The following LILRB1 variants were observed in gnomAD, a reference collection of about 807,000 sequenced individuals.
The protein encoded by LILRB1 is leukocyte immunoglobulin like receptor B1.
In LILRB1, 59 loss-of-function variants were observed where a neutral mutation model predicts 74.6. The observed-to-expected ratio is 0.79, with a 90% CI of 0.64 to 0.98. LILRB1 has a LOEUF of 0.98. Among genes scored for constraint, LILRB1 ranks in the 50% least tolerant of loss-of-function variants. The pLI is 0.00. For synonymous variants in LILRB1, 328 were observed against 333.9 expected (o/e 0.98, Z 0.19); for missense variants, 804 against 822.6 (o/e 0.98, Z 0.28).
chr19:54,635,408 C>T lies in LILRB1; in HGVS notation c.1600+112C>T, dbSNP rs377501527. 4.6e-6 allele frequency: 7 copies of T among 1,507,064 alleles called. No individual in the cohort carries two copies. In the Admixed American group the frequency reaches 8.9e-5, roughly 19 times the overall value. The allele number at this position is 1,507,064 out of a possible 1,614,324, so 93.4% of individuals were successfully genotyped here. On this transcript the variant is annotated intron_variant, in intron 12 of 14. Coordinates refer to ENST00000324602, the MANE Select transcript of LILRB1 (RefSeq NM_001081637.3). ...AAGGGTCTGGGGCTCAGGGTGAGAT[C>T]ATCTCACCCCACACTGTGGGGCCTC...
At chr19:54,627,463 G>C (rs2063626180), upstream of LILRB1, among the ~76,000 whole-genome samples, 1 of 151,740 alleles carries the variant, frequency 6.6e-6, no homozygotes, top group African/African-American at 2.4e-5. Flanking sequence ...TCTCAGATAA[G>C]AGCTGCTTCT....
chr19:54,620,399 G>C (rs537794050), intron 1 of LILRB1, among the ~76,000 whole-genome samples: 1 of 151,996 alleles, frequency 6.6e-6, no homozygotes, highest in South Asian at 2.1e-4. Flanking sequence ...CTGTTGCCCA[G>C]GCTGGATGGA....
chr19:54,636,467 A>C, intron 13 of LILRB1, 27 bp from the exon 14 acceptor site: 4 of 1,608,136 alleles, frequency 2.5e-6, no homozygotes, highest in Non-Finnish European at 3.4e-6. Flanking sequence ...GGATTCAAGG[A>C]CACCCCCCAC....
chr19:54,627,966 C>T (rs2063642749), upstream of LILRB1, among the ~76,000 whole-genome samples: 1 of 152,222 alleles, frequency 6.6e-6, no homozygotes, highest in Non-Finnish European at 1.5e-5. Flanking sequence ...AGCAAGGGTA[C>T]ACTCACCAGC....
Position 54,631,617 on chromosome 19 carries a change from A to G in LILRB1, c.188A>G (p.Glu63Gly). 2 of 1,614,276 alleles carry G rather than the reference A, an allele frequency of 1.2e-6. No individual in the cohort carries two copies. The highest frequency in any genetic ancestry group is 1.7e-6 in the Non-Finnish European group (2 of 1,180,050). Residue 63 changes from glutamate (E) to glycine (G), a missense_variant, in exon 4 of 15, where the codon GAA becomes GGA. Coordinates refer to ENST00000324602, the MANE Select transcript of LILRB1 (RefSeq NM_001081637.3). The part of the protein sequence containing the change: ...QETQEYRLYR[E>G]KKTAPWITRI... The stretch of plus-strand genomic sequence containing the variant: ...ACCCAGGAGTACCGTCTATATAGAG[A>G]AAAGAAAACAGCACCCTGGATTACA...
At chr19:54,622,760 G>A (rs77465355) in intron 1 of LILRB1, among the ~76,000 whole-genome samples, 5,034 of 152,244 alleles carry the variant, frequency 0.033, 104 homozygotes, top group South Asian at 0.053. Flanking sequence ...ATTTCTTGGG[G>A]AAATGCTTTC....
intron 1 of LILRB1, among the ~76,000 whole-genome samples, chr19:54,624,495 A>C: frequency 6.6e-6 from 1 of 152,004 alleles, no homozygotes; most frequent in African/African-American, 2.4e-5. Flanking sequence ...CTGTTGTCTG[A>C]CGTGGTAGCT....
chr19:54,616,801 G>A (rs139572521), upstream of LILRB1, among the ~76,000 whole-genome samples: 22 of 152,192 alleles, frequency 1.4e-4, no homozygotes, highest in African/African-American at 5.1e-4. Flanking sequence ...TGTTTCCTCA[G>A]CTTAAAAAAG....
chr19:54,633,755 G>A, intron 8 of LILRB1, 67 bp downstream of exon 8: 1 of 1,543,958 alleles, frequency 6.5e-7, no homozygotes, highest in Non-Finnish European at 8.8e-7. Flanking sequence ...GGGTCTCCCA[G>A]AGAATCCCAT....
At chr19:54,620,329 T>TA (rs920806851) in intron 1 of LILRB1, among the ~76,000 whole-genome samples, 1 of 152,182 alleles carries the variant, frequency 6.6e-6, no homozygotes, top group African/African-American at 2.4e-5. Context: ...TGGTAGATTG[T>TA]AAAAAATAAC....
chr19:54,625,475 T>A (rs1474593442), upstream of LILRB1, among the ~76,000 whole-genome samples: 1 of 152,078 alleles, frequency 6.6e-6, no homozygotes, highest in Non-Finnish European at 1.5e-5. Context: ...CTCTGGGAAC[T>A]CCCTGTGCCT....
At position 54,633,140 on chromosome 19, in the gene LILRB1, G is replaced by A. The variant is rs12971424; in HGVS notation, c.1083G>A (p.Gly361=). ...WMQTFLLTKE[G]AADDPWRLRS... is the part of the protein sequence containing the mutation. ...AAACTTTCCTTCTGACCAAGGAGGG[G>A]GCAGCTGATGACCCATGGCGTCTAA... Residue 361 remains glycine, a synonymous_variant, in exon 7 of 15, where the codon GGG becomes GGA. Transcript: ENST00000324602. The A allele has an allele frequency of 0.012, 18,979 of 1,560,726 alleles. No homozygotes were observed. The African/African-American group carries it at 0.29, about 24-fold the overall frequency.
At position 54,632,167 on chromosome 19, in the gene LILRB1, C is replaced by A; in HGVS notation, c.591C>A (p.Cys197Ter). Residue 197 changes from cysteine to a stop codon, truncating the protein, a stop_gained, in exon 5 of 15, where the codon TGC becomes TGA. Transcript: ENST00000324602. LOFTEE classifies it high-confidence loss of function. The part of the protein sequence containing the change: ...VSPSRRWWYR[C>*]YAYDSNSPYE... ...CGAGTCGCAGGTGGTGGTACAGGTG[C>A]TATGCTTATGACTCGAACTCTCCCT... is the stretch of plus-strand genomic sequence containing the variant. 1 of 1,614,210 alleles carries A rather than the reference C, an allele frequency of 6.2e-7. No individual in the cohort carries two copies. Among genetic ancestry groups the A allele is most frequent in the South Asian group, 1.1e-5 (1 of 91,088 alleles).
At chr19:54,632,396 G>A (rs1290110368) in intron 5 of LILRB1, 68 bp from the exon 6 acceptor site, 7 of 1,552,280 alleles carry the variant, frequency 4.5e-6, no homozygotes, top group Non-Finnish European at 5.2e-6. Flanking sequence ...TGTGGCCCCG[G>A]GGGAAAGGGA....
upstream of LILRB1, among the ~76,000 whole-genome samples, chr19:54,616,430 C>T (rs56215914): frequency 0.03 from 4,581 of 152,112 alleles, 97 homozygotes; most frequent in Middle Eastern, 0.058. Context: ...TAATTTGGTG[C>T]CTGAACACGT....
chr19:54,626,520 T>C (rs990846566), upstream of LILRB1, among the ~76,000 whole-genome samples: 2 of 152,044 alleles, frequency 1.3e-5, no homozygotes, highest in African/African-American at 4.8e-5. Context: ...TCTACTTTAT[T>C]CATTTCTAGT....
rs755374354 is a variant in LILRB1, at chr19:54,632,561, C to A, written c.759C>A (p.Asn253Lys). ...AGTGTGGCTCTGATGCTGGCTACAA[C>A]AGATTTGTTCTGTATAAGGACGGGG... The part of the protein sequence containing the change: ...TLQCGSDAGY[N>K]RFVLYKDGER... Residue 253 changes from asparagine to lysine, a missense_variant, in exon 6 of 15, where the codon AAC becomes AAA. Transcript: ENST00000324602. The A allele has an allele frequency of 6.2e-7, 1 of 1,614,118 alleles. No individual in the cohort carries two copies. The highest frequency in any genetic ancestry group is 1.1e-5 in the South Asian group (1 of 91,086).
chr19:54,617,238 A>C (rs2063330124), exon 1 of LILRB1: 1 of 152,268 alleles, frequency 6.6e-6, no homozygotes, highest in Admixed American at 6.5e-5. Context: ...AATGAGGAGA[A>C]AGCAAGAAGA....
chr19:54,632,982 G>C, intron 6 of LILRB1, 34 bp from the exon 7 acceptor site: 1 of 1,599,492 alleles, frequency 6.3e-7, no homozygotes. Flanking sequence ...AGAGCAAGGT[G>C]GGGCAGCCCC....
Sources: gnomAD v4.1 joint callset for allele counts (sites outside exome capture counted in the v4.1 genomes callset) on GRCh38, gnomAD v4.1.1 for gene constraint, MANE v1.5 for transcripts, NCBI Gene and HGNC (gene_info 2026-07-23, HGNC 2026-07-21) for gene names.